Variants in TNRC6A observed in about 807,000 individuals in gnomAD.
The protein encoded by TNRC6A is trinucleotide repeat-containing gene 6A protein.
Under a neutral mutation model 221.2 loss-of-function variants are expected in TNRC6A, and 44 were observed. That is an observed-to-expected ratio of 0.20 (90% confidence interval 0.16 to 0.26). TNRC6A has a LOEUF of 0.26. Ranked by LOEUF, TNRC6A falls within the 10% of genes least tolerant of loss-of-function variation. TNRC6A has a pLI of 1.00. For synonymous variants in TNRC6A, 847 were observed against 838.5 expected (o/e 1.01, Z -0.18); for missense variants, 2,199 against 2,404.4 (o/e 0.91, Z 1.79).
chr16:24,749,618 C>G (rs746004746), intron 2 of TNRC6A, among the ~76,000 whole-genome samples: 12 of 152,170 alleles, frequency 7.9e-5, no homozygotes, highest in South Asian at 2.1e-4. Context: ...CCTAAAACAT[C>G]TATTTCAGAC....
chr16:24,797,900 A>G lies in TNRC6A; in HGVS notation c.3643-15A>G. 6.2e-7 allele frequency: 1 copy of G among 1,601,182 alleles called. No individual in the cohort carries two copies. Among genetic ancestry groups the G allele is most frequent in the Non-Finnish European group, 8.5e-7 (1 of 1,173,468 alleles). On this transcript the variant is annotated splice_polypyrimidine_tract_variant and intron_variant, in intron 10 of 24. Transcript: ENST00000395799. ...AAATTAAGGTCTGCTAACATGCTGC[A>G]TTTTCTTTCTTCAGAGAGACTCACC...
At chr16:24,611,943 C>T (rs1406956999) in intron 1 of TNRC6A, among the ~76,000 whole-genome samples, 2 of 151,750 alleles carry the variant, frequency 1.3e-5, no homozygotes, top group Non-Finnish European at 2.9e-5. Context: ...AAAATACAAA[C>T]AGTAGCCAAG....
At chr16:24,821,195 G>A (rs1316433361) in intron 22 of TNRC6A, among the ~76,000 whole-genome samples, 5 of 152,112 alleles carry the variant, frequency 3.3e-5, no homozygotes, top group Non-Finnish European at 7.4e-5. Flanking sequence ...TGGTGTGAGT[G>A]GTTTTTGGTT....
At chr16:24,746,889 A>T (rs2057022663) in intron 2 of TNRC6A, among the ~76,000 whole-genome samples, 1 of 152,168 alleles carries the variant, frequency 6.6e-6, no homozygotes, top group Non-Finnish European at 1.5e-5. Context: ...AGGCCCTTGA[A>T]ATAGAGACAG....
At position 24,793,487 on chromosome 16, in the gene TNRC6A, T is replaced by C; in HGVS notation, c.3190T>C (p.Trp1064Arg). The C allele has an allele frequency of 6.7e-7, 1 of 1,498,032 alleles. No individual in the cohort carries two copies. The highest frequency in any genetic ancestry group is 8.9e-7 in the Non-Finnish European group (1 of 1,117,654). The allele number at this position is 1,498,032 out of a possible 1,614,324, so 92.8% of individuals were successfully genotyped here. A position where few individuals can be genotyped will look rare whatever the true frequency, so the allele number is the denominator to read the frequency against. ...ACTTTCTAAAGGCTGGGGTGAGCCC[T>C]GGGGGGAGCCTTCTACTCCAGCCAC... Reference protein sequence around the residue: ...ASSGSGWGEPWGEPSTPATTV... With the variant: ...ASSGSGWGEPRGEPSTPATTV... The change falls in exon 7 of 25, where the codon TGG becomes CGG. Residue 1064 changes from tryptophan to arginine, a missense_variant. Transcript: ENST00000395799.
chr16:24,768,610 T>C (rs1278843438), intron 4 of TNRC6A, among the ~76,000 whole-genome samples: 3 of 152,144 alleles, frequency 2.0e-5, no homozygotes, highest in African/African-American at 7.2e-5. Flanking sequence ...ACGACACATA[T>C]AGAAATAGCA....
At chr16:24,788,535 A>G (rs756792694) in intron 5 of TNRC6A, among the ~76,000 whole-genome samples, 19 of 152,212 alleles carry the variant, frequency 1.2e-4, no homozygotes, top group Non-Finnish European at 2.1e-4. Context: ...CATTTTATCA[A>G]ATTTTGGCTA....
chr16:24,820,088 C>T, intron 21 of TNRC6A, 51 bp from the exon 22 acceptor site: 1 of 1,514,302 alleles, frequency 6.6e-7, no homozygotes, highest in Non-Finnish European at 9.1e-7. Context: ...TAAATTTCCT[C>T]CTTTCTTAAA....
chr16:24,614,931 A>G (rs758224503), intron 1 of TNRC6A, among the ~76,000 whole-genome samples: 52 of 152,136 alleles, frequency 3.4e-4, no homozygotes, highest in Non-Finnish European at 6.3e-4. Context: ...TTAGCCAGGC[A>G]TGGTGACCGG....
At chr16:24,610,307 C>G (rs993764573) in exon 1 of TNRC6A, 1 of 152,332 alleles carries the variant, frequency 6.6e-6, no homozygotes, top group Non-Finnish European at 1.5e-5. Context: ...TTCCCCTCCT[C>G]TCCTTTGCCT....
rs541028598 is a variant in TNRC6A, at chr16:24,764,361, C to G, written c.163+6001C>G. 8.1e-4 allele frequency among the ~76,000 whole-genome samples: 121 copies of G among 150,010 alleles called. 1 individual carries two copies. Among genetic ancestry groups the G allele is most frequent in the African/African-American group, 2.8e-3 (115 of 40,774 alleles). ...TTTTTTTTTGAGACAGAGTCTTGCT[C>G]TGTCGCCCAGGCTGGAGTGCAGTGG... On this transcript the variant is annotated intron_variant, in intron 4 of 24. Coordinates refer to ENST00000395799, the MANE Select transcript of TNRC6A (RefSeq NM_014494.4).
At chr16:24,664,812 C>A (rs866928831) in intron 2 of TNRC6A, 247 of 439,578 alleles carry the variant, frequency 5.6e-4, no homozygotes, top group African/African-American at 4.6e-3. Flanking sequence ...CACACACACA[C>A]AAAACCTATA....
intron 2 of TNRC6A, among the ~76,000 whole-genome samples, chr16:24,664,532 T>C (rs867651605): frequency 0.011 from 1,605 of 142,814 alleles, 23 homozygotes; most frequent in African/African-American, 0.032. Flanking sequence ...ATATAATATA[T>C]ATATTTTTAA....
At chr16:24,734,556 A>G (rs2056719693) in intron 2 of TNRC6A, among the ~76,000 whole-genome samples, 1 of 152,200 alleles carries the variant, frequency 6.6e-6, no homozygotes, top group Non-Finnish European at 1.5e-5. Flanking sequence ...TTCATTTCTC[A>G]AGTGAGAAAG....
chr16:24,731,825 T>C (rs1443109358), intron 2 of TNRC6A, among the ~76,000 whole-genome samples: 1 of 152,264 alleles, frequency 6.6e-6, no homozygotes, highest in Non-Finnish European at 1.5e-5. Flanking sequence ...CTCTGCTACT[T>C]GCAATATGAC....
chr16:24,807,397 A>G (rs1224953877), intron 17 of TNRC6A, among the ~76,000 whole-genome samples: 1 of 152,230 alleles, frequency 6.6e-6, no homozygotes, highest in African/African-American at 2.4e-5. Context: ...AGCTGTCTTA[A>G]TCTTAAGTAG....
intron 6 of TNRC6A, 152 bp from the exon 7 acceptor site, chr16:24,793,321 G>A (rs1419074520): frequency 2.2e-6 from 1 of 450,650 alleles, no homozygotes; most frequent in Non-Finnish European, 3.8e-6. Flanking sequence ...ACATAAAACA[G>A]ATGCCATCTT....
At chr16:24,733,156 C>A (rs922108313) in intron 2 of TNRC6A, among the ~76,000 whole-genome samples, 9 of 151,976 alleles carry the variant, frequency 5.9e-5, no homozygotes. Context: ...AGCGGAGAGC[C>A]GAGATTGTGC....
At chr16:24,614,787 T>C (rs1900255100) in intron 1 of TNRC6A, among the ~76,000 whole-genome samples, 2 of 152,220 alleles carry the variant, frequency 1.3e-5, no homozygotes, top group Non-Finnish European at 2.9e-5. Flanking sequence ...GTAATTGCAG[T>C]GGACCAGCAC....
Sources: gnomAD v4.1 joint callset for allele counts (sites outside exome capture counted in the v4.1 genomes callset) on GRCh38, gnomAD v4.1.1 for gene constraint, MANE v1.5 for transcripts, NCBI Gene and HGNC (gene_info 2026-07-23, HGNC 2026-07-21) for gene names.